The following GRID2 variants were observed in gnomAD, a reference collection of about 807,000 sequenced individuals.
GRID2 encodes the protein glutamate receptor ionotropic, delta-2.
Under a neutral mutation model 114.8 loss-of-function variants are expected in GRID2, and 33 were observed. That is an observed-to-expected ratio of 0.29 (90% CI 0.22 to 0.38). The LOEUF is 0.38. GRID2 is among the 10% of genes least tolerant of loss of function. The probability of loss-of-function intolerance (pLI) is 1.00; values close to 1 mark genes in which losing one functional copy is unlikely to be tolerated. For synonymous variants in GRID2, 505 were observed against 449.9 expected (o/e 1.12, Z -1.55); for missense variants, 1,184 against 1,257.7 (o/e 0.94, Z 0.89).
chr4:93,295,885 G>A (rs563709200), intron 8 of GRID2, among the ~76,000 whole-genome samples: 9 of 152,166 alleles, frequency 5.9e-5, no homozygotes, highest in South Asian at 2.1e-4. Flanking sequence ...GATCAACCAC[G>A]TCAGATAGCA....
At chr4:92,584,244 TA>T (rs1480062994) in intron 1 of GRID2, among the ~76,000 whole-genome samples, 1 of 151,990 alleles carries the variant, frequency 6.6e-6, no homozygotes, top group Non-Finnish European at 1.5e-5. Context: ...GCCCTCCTTT[TA>T]AAATGCCTGT....
At chr4:93,208,895 T>C (rs938162338) in intron 5 of GRID2, among the ~76,000 whole-genome samples, 1 of 151,970 alleles carries the variant, frequency 6.6e-6, no homozygotes, top group African/African-American at 2.4e-5. Context: ...TAACTAAACG[T>C]TGGGATAGAG....
chr4:93,217,211 T>C, intron 6 of GRID2: 1 of 189,650 alleles, frequency 5.3e-6, no homozygotes, highest in African/African-American at 2.3e-5. Flanking sequence ...TGGTACTCCT[T>C]TTTCCAAACT....
In GRID2 at chr4:93,749,916, G is replaced by T. The variant is rs1198253874; in HGVS notation, c.2361-19294G>T. ...ATAAAGTCAGTAACTACCTCACAGG[G>T]TGATTTCGAGAATTATATAACTGAA... On this transcript the variant is annotated intron_variant, in intron 14 of 15. Coordinates refer to ENST00000282020, the MANE Select transcript of GRID2 (RefSeq NM_001510.4). Among the ~76,000 whole-genome samples, 10 of 152,176 alleles carry T rather than the reference G, an allele frequency of 6.6e-5. No individual in the cohort carries two copies. The East Asian group carries it at 1.9e-3, about 29-fold the overall frequency.
At chr4:92,369,622 T>C (rs1729025770) in intron 1 of GRID2, among the ~76,000 whole-genome samples, 1 of 152,146 alleles carries the variant, frequency 6.6e-6, no homozygotes, top group African/African-American at 2.4e-5. Flanking sequence ...AGCTAGCTAA[T>C]ATATTGCAAA....
At chr4:93,434,178 G>A (rs897772726) in intron 10 of GRID2, among the ~76,000 whole-genome samples, 7 of 152,208 alleles carry the variant, frequency 4.6e-5, no homozygotes, top group Non-Finnish European at 7.4e-5. Flanking sequence ...TTGTTGACTC[G>A]GATAGATTGG....
chr4:93,238,587 A>T, intron 8 of GRID2, 97 bp downstream of exon 8: 79 of 901,234 alleles, frequency 8.8e-5, no homozygotes, highest in East Asian at 1.3e-4. Context: ...ATTAAAGTCA[A>T]TATTGTAGTG....
chr4:92,870,610 A>T (rs1188245847), intron 2 of GRID2, among the ~76,000 whole-genome samples: 1 of 150,354 alleles, frequency 6.7e-6, no homozygotes, highest in East Asian at 1.9e-4. Context: ...ATAGTGAACA[A>T]CAGGAATTAT....
chr4:92,730,502 A>G (rs1475731516), intron 2 of GRID2, among the ~76,000 whole-genome samples: 2 of 151,998 alleles, frequency 1.3e-5, no homozygotes, highest in African/African-American at 2.4e-5. Context: ...TTCATTTTGT[A>G]GCCATTTTCT....
chr4:92,661,689 A>G (rs1173379663), intron 2 of GRID2, among the ~76,000 whole-genome samples: 1 of 151,040 alleles, frequency 6.6e-6, no homozygotes, highest in South Asian at 2.1e-4. Flanking sequence ...TTTAAATTTT[A>G]TTGTTATTGA....
At chr4:92,957,592 C>T (rs1191756115) in intron 2 of GRID2, among the ~76,000 whole-genome samples, 2 of 151,802 alleles carry the variant, frequency 1.3e-5, no homozygotes, top group Non-Finnish European at 2.9e-5. Flanking sequence ...TATCAGTCTT[C>T]CATTTTTTTT....
intron 2 of GRID2, among the ~76,000 whole-genome samples, chr4:92,688,020 G>A (rs1454612460): frequency 8.0e-6 from 1 of 125,014 alleles, no homozygotes; most frequent in South Asian, 2.8e-4. Context: ...TTGCCACATT[G>A]GTTGACCCTT....
At chr4:92,551,016 T>G (rs1340448378) in intron 1 of GRID2, among the ~76,000 whole-genome samples, 2 of 152,166 alleles carry the variant, frequency 1.3e-5, no homozygotes, top group Non-Finnish European at 2.9e-5. Flanking sequence ...TTCATTAAAT[T>G]TGTTAAATGG....
At chr4:92,561,684 G>T (rs1299701477) in intron 1 of GRID2, among the ~76,000 whole-genome samples, 1 of 152,150 alleles carries the variant, frequency 6.6e-6, no homozygotes, top group African/African-American at 2.4e-5. Context: ...TGATGTAGAA[G>T]ATATACAACT....
intron 2 of GRID2, among the ~76,000 whole-genome samples, chr4:92,801,342 T>C (rs1740158715): frequency 6.6e-6 from 1 of 151,984 alleles, no homozygotes; most frequent in African/African-American, 2.4e-5. Flanking sequence ...ATATTAATCA[T>C]ATGGATGAAA....
chr4:92,935,956 A>T (rs1750640870), intron 2 of GRID2, among the ~76,000 whole-genome samples: 1 of 146,116 alleles, frequency 6.8e-6, no homozygotes, highest in African/African-American at 2.4e-5. Flanking sequence ...TAATGGGTGC[A>T]GCACACCAGC....
chr4:92,620,289 G>T (rs1294879969), intron 2 of GRID2, among the ~76,000 whole-genome samples: 1 of 151,772 alleles, frequency 6.6e-6, no homozygotes, highest in East Asian at 1.9e-4. Flanking sequence ...TACAATGTAA[G>T]TGATGGATTA....
intron 2 of GRID2, among the ~76,000 whole-genome samples, chr4:92,916,096 G>A (rs948342769): frequency 6.6e-6 from 1 of 151,930 alleles, no homozygotes; most frequent in Non-Finnish European, 1.5e-5. Context: ...GTCAATTTTA[G>A]CTTTTGTTGC....
chr4:92,823,258 A>C (rs982198938), intron 2 of GRID2, among the ~76,000 whole-genome samples: 1 of 152,178 alleles, frequency 6.6e-6, no homozygotes, highest in African/African-American at 2.4e-5. Context: ...AGGAACTATG[A>C]ACATTTCATG....
Sources: allele counts gnomAD v4.1 joint callset (sites outside exome capture counted in the v4.1 genomes callset), GRCh38; gene constraint gnomAD v4.1.1; transcripts MANE v1.5; gene names NCBI Gene and HGNC (gene_info 2026-07-23, HGNC 2026-07-21).